PHF21A: variants seen among roughly 807,000 people sequenced by gnomAD.
The protein encoded by PHF21A is BHC80a.
Under a neutral mutation model 82.5 loss-of-function variants are expected in PHF21A, and 11 were observed. The observed-to-expected ratio is 0.13, with a 90% CI of 0.08 to 0.22. The LOEUF is 0.22. Among genes scored for constraint, PHF21A ranks in the 10% least tolerant of loss-of-function variants. The probability of loss-of-function intolerance (pLI) is 1.00; values close to 1 mark genes in which losing one functional copy is unlikely to be tolerated. For missense variants in PHF21A, 579 were observed against 837.8 expected, an observed-to-expected ratio of 0.69 and a Z score of 3.81; for synonymous variants, 297 against 302.8, an observed-to-expected ratio of 0.98 and a Z score of 0.20.
At chr11:46,082,397 A>G (rs1453404916) in intron 4 of PHF21A, among the ~76,000 whole-genome samples, 1 of 152,232 alleles carries the variant, frequency 6.6e-6, no homozygotes, top group Non-Finnish European at 1.5e-5. Flanking sequence ...TCAATTTGTC[A>G]TGATCAACAA....
intron 7 of PHF21A, among the ~76,000 whole-genome samples, chr11:45,975,021 A>G (rs2093960024): frequency 6.6e-6 from 1 of 152,192 alleles, no homozygotes; most frequent in Non-Finnish European, 1.5e-5. Flanking sequence ...GATTTAAAAC[A>G]GATGGACTCA....
chr11:46,008,971 C>CTTT (rs368337006), intron 6 of PHF21A, among the ~76,000 whole-genome samples: 48 of 111,554 alleles, frequency 4.3e-4, no homozygotes, highest in East Asian at 1.8e-3. Flanking sequence ...TCACATTTCA[C>CTTT]TTTTTTTTTT....
At chr11:46,120,437 C>T (rs1472477398) in intron 1 of PHF21A, 1 of 150,184 alleles carries the variant, frequency 6.7e-6, no homozygotes, top group Non-Finnish European at 1.5e-5. Flanking sequence ...CAATGTGACG[C>T]CCCCTCCCCG....
chr11:46,037,667 G>C (rs1304266370), intron 6 of PHF21A, among the ~76,000 whole-genome samples: 1 of 151,002 alleles, frequency 6.6e-6, no homozygotes, highest in Non-Finnish European at 1.5e-5. Flanking sequence ...AAAAAAAGAG[G>C]GTGCTTATCT....
intron 10 of PHF21A, 82 bp from the exon 11 acceptor site, chr11:45,953,707 T>A: frequency 1.2e-6 from 1 of 811,862 alleles, no homozygotes; most frequent in Admixed American, 2.2e-5. Flanking sequence ...ATAGTAGTAG[T>A]CAAGAAGAAA....
chr11:46,006,743 C>T (rs1334849355), intron 6 of PHF21A, among the ~76,000 whole-genome samples: 3 of 152,154 alleles, frequency 2.0e-5, no homozygotes, highest in Non-Finnish European at 4.4e-5. Context: ...CTGTCTTAAA[C>T]GCCTATTAGA....
chr11:45,998,838 T>TG (rs2095011538), intron 6 of PHF21A, among the ~76,000 whole-genome samples: 1 of 151,086 alleles, frequency 6.6e-6, no homozygotes, highest in Non-Finnish European at 1.5e-5. Flanking sequence ...TTTTTGTTTT[T>TG]TTTTGAGACA....
In PHF21A at chr11:45,943,028, T is replaced by G. The variant is rs563844861; in HGVS notation, c.1452+2812A>C. ...CCATTCTTTTTCTCATAACCTATAT[T>G]CAATCCTGATGGCTCTTCAAAATAT... On this transcript the variant is annotated intron_variant, in intron 15 of 18. Transcript: ENST00000676320. Among the ~76,000 whole-genome samples, 16 of 152,178 alleles carry G rather than the reference T, an allele frequency of 1.1e-4. No homozygotes were observed. The East Asian group carries it at 2.9e-3, about 28-fold the overall frequency.
chr11:46,043,740 A>C (rs370966395), intron 6 of PHF21A, among the ~76,000 whole-genome samples: 21 of 152,118 alleles, frequency 1.4e-4, no homozygotes, highest in East Asian at 7.7e-4. Context: ...TCCATCCTGA[A>C]TGCAATGTCT....
intron 14 of PHF21A, among the ~76,000 whole-genome samples, chr11:45,946,467 T>C (rs2091307756): frequency 6.6e-6 from 1 of 152,156 alleles, no homozygotes; most frequent in African/African-American, 2.4e-5. Context: ...CACTGCAACC[T>C]CCGCCTCCCG....
In PHF21A at chr11:45,985,708, C is replaced by A. The variant is rs184174793; in HGVS notation, c.154-5742G>T. 5.9e-5 allele frequency among the ~76,000 whole-genome samples: 9 copies of A among 152,282 alleles called. No individual in the cohort carries two copies. In the East Asian group the frequency reaches 1.7e-3, roughly 29 times the overall value. On this transcript the variant is annotated intron_variant, in intron 6 of 18. Transcript: ENST00000676320. ...TCACAAAGAATTAGACAAATAGTTT[C>A]TTTCCCTTTTTAACCTCTTTTAAAA...
intron 6 of PHF21A, among the ~76,000 whole-genome samples, chr11:46,005,236 A>G (rs887779352): frequency 6.6e-6 from 1 of 152,160 alleles, no homozygotes; most frequent in African/African-American, 2.4e-5. Flanking sequence ...TTCACACCTG[A>G]CCTCAAGTGA....
intron 12 of PHF21A, 112 bp from the exon 13 acceptor site, chr11:45,949,593 T>G: frequency 1.1e-6 from 1 of 918,218 alleles, no homozygotes; most frequent in Admixed American, 1.8e-5. Flanking sequence ...CAGGGACAAG[T>G]CTCTGTTTCA....
chr11:46,035,876 C>T (rs7103299), intron 6 of PHF21A, among the ~76,000 whole-genome samples: 14,915 of 152,066 alleles, frequency 0.098, 897 homozygotes, highest in African/African-American at 0.17. Flanking sequence ...TTGCGAGCCA[C>T]GTTAAGATTT....
At chr11:45,971,953 C>A (rs1244018557) in intron 7 of PHF21A, among the ~76,000 whole-genome samples, 2 of 134,602 alleles carry the variant, frequency 1.5e-5, no homozygotes, top group African/African-American at 5.5e-5. Flanking sequence ...TAAGGATTAG[C>A]ATGTCGCCTC....
chr11:46,077,428 A>G lies in PHF21A; in HGVS notation c.88-609T>C, dbSNP rs1014288231. ...AAGAATACTATTTTAGATGAGATAC[A>G]CAGAGCATGATTGCCTTTTACTAAA... On this transcript the variant is annotated intron_variant, in intron 5 of 18. Transcript: ENST00000676320. Among the ~76,000 whole-genome samples the G allele has an allele frequency of 2.6e-5, 4 of 152,260 alleles. No homozygotes were observed. In the East Asian group the frequency reaches 7.7e-4, roughly 29 times the overall value.
At chr11:46,058,566 TA>T (rs1223248728) in intron 6 of PHF21A, among the ~76,000 whole-genome samples, 3 of 152,236 alleles carry the variant, frequency 2.0e-5, no homozygotes. Flanking sequence ...AAATTCCATC[TA>T]GCATGTTAAA....
chr11:46,098,972 G>A (rs1382181296), intron 1 of PHF21A, among the ~76,000 whole-genome samples: 1 of 151,992 alleles, frequency 6.6e-6, no homozygotes, highest in Non-Finnish European at 1.5e-5. Flanking sequence ...TGTCTCTAAA[G>A]CACAAGATAA....
chr11:46,052,058 G>T (rs571849308), intron 6 of PHF21A, among the ~76,000 whole-genome samples: 2 of 152,180 alleles, frequency 1.3e-5, no homozygotes, highest in Admixed American at 6.5e-5. Context: ...AGATGATCCA[G>T]GAGTAGCATA....
Sources: allele counts gnomAD v4.1 joint callset (sites outside exome capture counted in the v4.1 genomes callset), GRCh38; gene constraint gnomAD v4.1.1; transcripts MANE v1.5; gene names NCBI Gene and HGNC (gene_info 2026-07-23, HGNC 2026-07-21).